Variants in RABGAP1L observed in about 807,000 individuals in gnomAD.
RABGAP1L encodes the protein RAB GTPase activating protein 1 like.
Under a neutral mutation model 137.7 loss-of-function variants are expected in RABGAP1L, and 63 were observed. The observed-to-expected ratio is 0.46, with a 90% CI of 0.37 to 0.56. RABGAP1L has a LOEUF of 0.56. Ranked by LOEUF, RABGAP1L falls within the 20% of genes least tolerant of loss-of-function variation. RABGAP1L has a pLI of 0.00. For synonymous variants in RABGAP1L, 431 were observed against 433.7 expected (o/e 0.99, Z 0.08); for missense variants, 1,095 against 1,244.0 (o/e 0.88, Z 1.80).
At chr1:174,168,431 C>T (rs143432141) in intron 1 of RABGAP1L, among the ~76,000 whole-genome samples, 15 of 152,084 alleles carry the variant, frequency 9.9e-5, no homozygotes, top group African/African-American at 3.4e-4. Flanking sequence ...TGTTTTATCA[C>T]CAGACCTCAT....
intron 18 of RABGAP1L, among the ~76,000 whole-genome samples, chr1:174,776,859 C>A (rs1686566397): frequency 6.6e-6 from 1 of 152,130 alleles, no homozygotes; most frequent in South Asian, 2.1e-4. Flanking sequence ...CTTTTAAATC[C>A]TTCTGTTTGG....
chr1:174,487,872 T>G (rs1369509774), intron 13 of RABGAP1L, among the ~76,000 whole-genome samples: 1 of 152,196 alleles, frequency 6.6e-6, no homozygotes, highest in Non-Finnish European at 1.5e-5. Flanking sequence ...AACTTCACAC[T>G]GTTTGTATAA....
intron 14 of RABGAP1L, among the ~76,000 whole-genome samples, chr1:174,652,961 T>A (rs1466024230): frequency 6.6e-6 from 1 of 152,212 alleles, no homozygotes. Context: ...AGGTCCTGAC[T>A]GGGGCTGCTG....
intron 18 of RABGAP1L, among the ~76,000 whole-genome samples, chr1:174,811,499 T>G (rs1361323632): frequency 6.6e-6 from 1 of 152,204 alleles, no homozygotes; most frequent in South Asian, 2.1e-4. Flanking sequence ...AGAGTCCAGT[T>G]TCTTTTCCTT....
intron 7 of RABGAP1L, among the ~76,000 whole-genome samples, chr1:174,254,820 T>C (rs892133080): frequency 6.6e-6 from 1 of 152,176 alleles, no homozygotes; most frequent in African/African-American, 2.4e-5. Context: ...GTCTTTATAG[T>C]AGAATGATTT....
intron 19 of RABGAP1L, among the ~76,000 whole-genome samples, chr1:174,953,116 A>G (rs760284598): frequency 6.6e-6 from 1 of 152,260 alleles, no homozygotes; most frequent in Middle Eastern, 3.4e-3. Flanking sequence ...AAGTAAGAAT[A>G]CAAAATAGGG....
chr1:174,993,990 C>T lies in RABGAP1L; in HGVS notation c.*3989C>T, dbSNP rs1672221582. 6.6e-6 allele frequency: 1 copy of T among 152,212 alleles called. No individual in the cohort carries two copies. The highest frequency in any genetic ancestry group is 1.5e-5 in the Non-Finnish European group (1 of 68,040). The allele number at this position is 152,212 out of a possible 1,614,324, so 9.4% of individuals were successfully genotyped here. A position where few individuals can be genotyped will look rare whatever the true frequency, so the allele number is the denominator to read the frequency against. On this transcript the variant is annotated 3_prime_UTR_variant, in exon 26 of 26. Coordinates refer to ENST00000681986, the MANE Select transcript of RABGAP1L (RefSeq NM_001366446.1). ...CCTGGGTACCACACAACCAAATACA[C>T]ATTGAGATTTCAAGAAATGATGATG... is the stretch of plus-strand genomic sequence containing the variant.
intron 13 of RABGAP1L, among the ~76,000 whole-genome samples, chr1:174,596,795 G>A (rs575475525): frequency 3.5e-4 from 53 of 152,266 alleles, no homozygotes; most frequent in African/African-American, 1.1e-3. Context: ...TCTTGTTCCA[G>A]ATCTTGGAGG....
chr1:174,695,964 C>T (rs1679226005), intron 15 of RABGAP1L, among the ~76,000 whole-genome samples: 1 of 152,024 alleles, frequency 6.6e-6, no homozygotes, highest in African/African-American at 2.4e-5. Flanking sequence ...GTTTTTTTCT[C>T]CTCATGCTGG....
At chr1:174,882,564 T>A (rs6425301) in intron 19 of RABGAP1L, among the ~76,000 whole-genome samples, 11 of 151,992 alleles carry the variant, frequency 7.2e-5, no homozygotes, top group African/African-American at 4.8e-5. Context: ...TATGACCCAC[T>A]AAATTGAATT....
chr1:174,624,114 T>G (rs1672756391), intron 13 of RABGAP1L, among the ~76,000 whole-genome samples: 3 of 152,218 alleles, frequency 2.0e-5, no homozygotes, highest in Admixed American at 2.0e-4. Flanking sequence ...AATTCCCTTC[T>G]GCAGTCAATT....
chr1:174,219,453 T>G (rs527443270), intron 2 of RABGAP1L, among the ~76,000 whole-genome samples, 158 bp downstream of exon 2: 1 of 152,210 alleles, frequency 6.6e-6, no homozygotes, highest in African/African-American at 2.4e-5. Flanking sequence ...TTGTGTATTT[T>G]AAAAAGTTCT....
At chr1:174,490,647 G>T (rs1243086544) in intron 13 of RABGAP1L, among the ~76,000 whole-genome samples, 1 of 152,146 alleles carries the variant, frequency 6.6e-6, no homozygotes, top group Non-Finnish European at 1.5e-5. Flanking sequence ...AAAGTCTTGT[G>T]TTTTTCCTTT....
chr1:174,653,600 T>C lies in RABGAP1L; in HGVS notation c.1824+16112T>C, dbSNP rs374781280. Among the ~76,000 whole-genome samples, 42 of 152,342 alleles carry C rather than the reference T, an allele frequency of 2.8e-4. 3 individuals carry two copies. The East Asian group carries it at 3.7e-3, about 13-fold the overall frequency. ...TGCTTCAGGTTGCCCCCGTACCCACTGTCTAACCAGTCTCAATGAGATGAG... is the reference window on the plus strand; with the variant it reads ...TGCTTCAGGTTGCCCCCGTACCCACCGTCTAACCAGTCTCAATGAGATGAG... On this transcript the variant is annotated intron_variant, in intron 14 of 25. Transcript: ENST00000681986.
At chr1:174,716,392 C>T (rs189295105) in intron 17 of RABGAP1L, among the ~76,000 whole-genome samples, 7 of 152,344 alleles carry the variant, frequency 4.6e-5, no homozygotes, top group Admixed American at 4.6e-4. Flanking sequence ...GGTGAGCCTC[C>T]TACCTCAGTC....
intron 11 of RABGAP1L, among the ~76,000 whole-genome samples, chr1:174,365,566 G>A (rs1490921307): frequency 6.6e-6 from 1 of 152,142 alleles, no homozygotes; most frequent in African/African-American, 2.4e-5. Flanking sequence ...CCCTCTGTGT[G>A]TGGGAGCTAG....
chr1:174,732,731 C>T (rs1325356630), intron 17 of RABGAP1L, among the ~76,000 whole-genome samples: 3 of 152,112 alleles, frequency 2.0e-5, no homozygotes, highest in African/African-American at 7.2e-5. Flanking sequence ...CTGGTGAACA[C>T]TAGAACAGGA....
rs1670721837 is a variant in RABGAP1L at position 174,977,217 on chromosome 1, A to G, written c.2649+1035A>G. On this transcript the variant is annotated intron_variant, in intron 22 of 25. Coordinates refer to ENST00000681986, the MANE Select transcript of RABGAP1L (RefSeq NM_001366446.1). ...TTCCAGACTTTATAAAAAGTGTTCCATGGTTTCTTTTTCCTTGGAATCTGA... is the reference window on the plus strand; with the variant it reads ...TTCCAGACTTTATAAAAAGTGTTCCGTGGTTTCTTTTTCCTTGGAATCTGA... Among the ~76,000 whole-genome samples, 3 of 152,300 alleles carry G rather than the reference A, an allele frequency of 2.0e-5. No individual in the cohort carries two copies. The South Asian group carries it at 6.2e-4, about 32-fold the overall frequency.
intron 19 of RABGAP1L, among the ~76,000 whole-genome samples, chr1:174,914,604 A>C (rs1480484446): frequency 6.6e-6 from 1 of 152,160 alleles, no homozygotes; most frequent in Non-Finnish European, 1.5e-5. Flanking sequence ...ATTAATATAT[A>C]GTGGTTTCCC....
Sources: gnomAD v4.1 joint callset for allele counts (sites outside exome capture counted in the v4.1 genomes callset) on GRCh38, gnomAD v4.1.1 for gene constraint, MANE v1.5 for transcripts, NCBI Gene and HGNC (gene_info 2026-07-23, HGNC 2026-07-21) for gene names.